SH3GL3: variants seen among roughly 807,000 people sequenced by gnomAD.
SH3GL3 encodes SH3 domain containing GRB2 like 3, endophilin A3.
SH3GL3 carries 33 observed loss-of-function variants against 47.7 expected under a neutral mutation model. The observed-to-expected ratio is 0.69, with a 90% confidence interval of 0.52 to 0.92. The LOEUF is 0.92. SH3GL3 is among the 40% of genes least tolerant of loss of function. The pLI is 0.00. For synonymous variants in SH3GL3, 155 were observed against 148.8 expected (o/e 1.04, Z -0.30); for missense variants, 363 against 417.8 (o/e 0.87, Z 1.14).
chr15:83,507,937 CTTTA>C (rs919188028), intron 1 of SH3GL3, among the ~76,000 whole-genome samples: 2 of 151,874 alleles, frequency 1.3e-5, no homozygotes, highest in African/African-American at 4.8e-5. Context: ...TTTTATTTTA[CTTTA>C]TTTTATTTAT....
At chr15:83,499,184 C>A (rs963310239) in intron 1 of SH3GL3, among the ~76,000 whole-genome samples, 4 of 151,970 alleles carry the variant, frequency 2.6e-5, no homozygotes, top group African/African-American at 9.7e-5. Flanking sequence ...ATCTTTCTTA[C>A]CCCTAGGTTT....
chr15:83,497,978 T>C (rs1045181627), intron 1 of SH3GL3, among the ~76,000 whole-genome samples: 2 of 152,220 alleles, frequency 1.3e-5, no homozygotes, highest in African/African-American at 4.8e-5. Context: ...GTCCAACTTT[T>C]TAAAATCAGT....
chr15:83,608,267 T>C (rs2060579838), intron 8 of SH3GL3, among the ~76,000 whole-genome samples: 1 of 152,200 alleles, frequency 6.6e-6, no homozygotes, highest in African/African-American at 2.4e-5. Context: ...TAGATTTTAC[T>C]TAGTAGTGCA....
chr15:83,541,891 A>G (rs1055678362), intron 1 of SH3GL3, among the ~76,000 whole-genome samples: 8 of 152,204 alleles, frequency 5.3e-5, no homozygotes, highest in Admixed American at 2.0e-4. Flanking sequence ...TAGTTTGTAA[A>G]TATTTTCTCC....
Position 83,576,614 on chromosome 15 carries a change from T to G in SH3GL3, c.497T>G (p.Leu166Arg). ...HHLKKLEGRR[L>R]DYDYKKKRVG... ...CTGAAAAAGCTGGAAGGCCGCCGCC[T>G]GGATTACGATTATAAAAAGAAACGA... The change falls in exon 6 of 9, where the codon CTG becomes CGG. Residue 166 changes from leucine (L) to arginine (R), a missense_variant. By Grantham distance (102) the Leu-to-Arg change is moderately radical. Coordinates refer to ENST00000427482, the MANE Select transcript of SH3GL3 (RefSeq NM_003027.5). The G allele has an allele frequency of 6.2e-7, 1 of 1,610,930 alleles. No homozygotes were observed. Among genetic ancestry groups the G allele is most frequent in the South Asian group, 1.1e-5 (1 of 90,574 alleles).
intron 1 of SH3GL3, among the ~76,000 whole-genome samples, chr15:83,450,830 G>T (rs1310049190): frequency 3.9e-5 from 2 of 51,240 alleles, no homozygotes; most frequent in African/African-American, 7.9e-5. Flanking sequence ...TATACTCTAA[G>T]TTTTAGGGTA....
intron 8 of SH3GL3, among the ~76,000 whole-genome samples, chr15:83,595,759 A>G (rs1294716754): frequency 1.3e-5 from 2 of 152,032 alleles, no homozygotes; most frequent in Non-Finnish European, 2.9e-5. Flanking sequence ...CCTTTCATCT[A>G]AGTTGTCAAA....
In SH3GL3 at chr15:83,545,444, C is replaced by G. The variant is rs77841108; in HGVS notation, c.46-13809C>G. Among the ~76,000 whole-genome samples the G allele has an allele frequency of 2.2e-3, 341 of 152,236 alleles. 8 individuals are homozygous for G. The highest frequency in any genetic ancestry group is 0.019 in the Admixed American group (293 of 15,294). ...CTGTATTATCTTGGATTTCATTGAA[C>G]TTCTTCAAAACAGTTCTTTTGAATT... is the stretch of plus-strand genomic sequence containing the variant. On this transcript the variant is annotated intron_variant, in intron 1 of 8. Transcript: ENST00000427482.
At chr15:83,449,010 G>C (rs879183676) in intron 1 of SH3GL3, among the ~76,000 whole-genome samples, 1 of 152,166 alleles carries the variant, frequency 6.6e-6, no homozygotes, top group Admixed American at 6.5e-5. Flanking sequence ...CAGCTCAGGG[G>C]GTGAGGCTGG....
intron 1 of SH3GL3, among the ~76,000 whole-genome samples, chr15:83,459,377 A>C (rs2040160584): frequency 6.6e-6 from 1 of 152,230 alleles, no homozygotes; most frequent in Non-Finnish European, 1.5e-5. Context: ...GTTAGCCATC[A>C]CACTAGGGTT....
At chr15:83,567,308 C>G (rs2045595900) in intron 3 of SH3GL3, among the ~76,000 whole-genome samples, 1 of 152,202 alleles carries the variant, frequency 6.6e-6, no homozygotes, top group Non-Finnish European at 1.5e-5. Flanking sequence ...ATATTGCCGC[C>G]TTTCCCTTGC....
intron 8 of SH3GL3, among the ~76,000 whole-genome samples, chr15:83,614,635 G>A (rs2060764738): frequency 1.3e-5 from 2 of 152,212 alleles, no homozygotes; most frequent in Admixed American, 6.5e-5. Flanking sequence ...ACCCTGGGCA[G>A]TGGGCTGTTT....
chr15:83,492,562 C>T (rs577464649), intron 1 of SH3GL3, among the ~76,000 whole-genome samples: 22 of 152,298 alleles, frequency 1.4e-4, no homozygotes, highest in African/African-American at 4.3e-4. Flanking sequence ...ACACCTGTGA[C>T]GCTTTCCCCT....
intron 1 of SH3GL3, among the ~76,000 whole-genome samples, chr15:83,545,100 G>A (rs1326801741): frequency 6.6e-6 from 1 of 152,044 alleles, no homozygotes. Context: ...TTATCTCTGT[G>A]AATAACCTTT....
chr15:83,514,423 G>T (rs2042898379), intron 1 of SH3GL3, among the ~76,000 whole-genome samples: 2 of 152,042 alleles, frequency 1.3e-5, no homozygotes, highest in Admixed American at 1.3e-4. Flanking sequence ...TGGAAAGGGT[G>T]GGTTGGAGGG....
chr15:83,627,569 G>GA, the SH3GL3 span, among the ~76,000 whole-genome samples: 2 of 152,178 alleles, frequency 1.3e-5, no homozygotes, highest in African/African-American at 4.8e-5. Context: ...GTGGTTCTCA[G>GA]ATCTCCCTGT....
chr15:83,456,997 C>T (rs554740019), intron 1 of SH3GL3, among the ~76,000 whole-genome samples: 2 of 152,276 alleles, frequency 1.3e-5, no homozygotes, highest in East Asian at 3.9e-4. Context: ...AACGTGGTAC[C>T]TCACCAATAA....
In SH3GL3 at chr15:83,612,686, T is replaced by G. The variant is rs147144269; in HGVS notation, c.839-5396T>G. On this transcript the variant is annotated intron_variant, in intron 8 of 8. Coordinates refer to ENST00000427482, the MANE Select transcript of SH3GL3 (RefSeq NM_003027.5). Reference sequence around the variant, plus strand: ...CATCCAAGGAGCATTTCAATTTTCTTGCTCACCCTCTTCTCACTGCAGGCC... The same window carrying G: ...CATCCAAGGAGCATTTCAATTTTCTGGCTCACCCTCTTCTCACTGCAGGCC... 3.1e-3 allele frequency among the ~76,000 whole-genome samples: 470 copies of G among 152,282 alleles called. 4 individuals carry two copies. The highest frequency in any genetic ancestry group is 0.011 in the African/African-American group (445 of 41,542).
intron 1 of SH3GL3, among the ~76,000 whole-genome samples, chr15:83,549,563 T>C (rs1896807): frequency 0.14 from 21,395 of 152,192 alleles, 1,988 homozygotes; most frequent in Non-Finnish European, 0.2. Context: ...GACTCCAATT[T>C]CTGTCTCTTG....
Sources: gnomAD v4.1 joint callset for allele counts (sites outside exome capture counted in the v4.1 genomes callset) on GRCh38, gnomAD v4.1.1 for gene constraint, MANE v1.5 for transcripts, NCBI Gene and HGNC (gene_info 2026-07-23, HGNC 2026-07-21) for gene names.